ANKRD26: variants seen among roughly 807,000 people sequenced by gnomAD.
The protein encoded by ANKRD26 is ankyrin repeat domain 26.
Under a neutral mutation model 208.7 loss-of-function variants are expected in ANKRD26, and 141 were observed. The ratio of observed to expected loss-of-function variants is 0.68; its 90% CI spans 0.59 to 0.78. The LOEUF is 0.78. ANKRD26 is among the 30% of genes least tolerant of loss of function. The pLI, the probability that ANKRD26 is intolerant of heterozygous loss-of-function variation, is 0.00. For synonymous variants in ANKRD26, 636 were observed against 660.4 expected, an observed-to-expected ratio of 0.96 and a Z score of 0.57; for missense variants, 1,889 against 1,938.7, an observed-to-expected ratio of 0.97 and a Z score of 0.48.
chr10:27,033,170 T>G, intron 25 of ANKRD26, 55 bp downstream of exon 25: 1 of 1,418,974 alleles, frequency 7.0e-7, no homozygotes, highest in Non-Finnish European at 9.8e-7. Context: ...GATAAAACAC[T>G]ATATATTTAA....
chr10:27,099,330 G>GT (rs1340776755), intron 1 of ANKRD26, among the ~76,000 whole-genome samples: 1 of 150,794 alleles, frequency 6.6e-6, no homozygotes, highest in Non-Finnish European at 1.5e-5. Context: ...ATCATGCACT[G>GT]ACATTTATTC....
At chr10:26,956,428 G>A in the ANKRD26 span, among the ~76,000 whole-genome samples, 1,394 of 152,118 alleles carry the variant, frequency 9.2e-3, 22 homozygotes, top group African/African-American at 0.032. Context: ...TATATTTTCA[G>A]AAGAGGTTTA....
At chr10:27,019,859 A>T (rs953118749) in intron 29 of ANKRD26, among the ~76,000 whole-genome samples, 1 of 152,236 alleles carries the variant, frequency 6.6e-6, no homozygotes, top group African/African-American at 2.4e-5. Context: ...GCTTAAAACA[A>T]CATTTATTCT....
chr10:27,089,465 T>G (rs956950158), intron 4 of ANKRD26, among the ~76,000 whole-genome samples: 1 of 152,216 alleles, frequency 6.6e-6, no homozygotes, highest in East Asian at 1.9e-4. Context: ...GGGACCCCTA[T>G]GGATTAAGTT....
rs538598433 is a variant in ANKRD26, at chr10:26,997,779, C to T, written c.563-2632G>A. On this transcript the variant is annotated intron_variant, in intron 4 of 5. Coordinates refer to the ANKRD26 transcript ENST00000445828. ...ATGTGTTTCGGAGAAAATGCTAAAC[C>T]GCCACAGCTGTGGCTTGTTTGCTTG... Among the ~76,000 whole-genome samples, 16 of 152,260 alleles carry T rather than the reference C, an allele frequency of 1.1e-4. No individual in the cohort carries two copies. The South Asian group carries it at 1.4e-3, about 14-fold the overall frequency.
intron 1 of ANKRD26, among the ~76,000 whole-genome samples, chr10:27,095,132 CA>C (rs1293020354): frequency 6.6e-6 from 1 of 152,064 alleles, no homozygotes; most frequent in Non-Finnish European, 1.5e-5. Flanking sequence ...TAATTGGAAG[CA>C]TTTTTAAAAT....
downstream of ANKRD26, among the ~76,000 whole-genome samples, chr10:27,000,689 T>A (rs77722856): frequency 2.4e-3 from 373 of 152,292 alleles, 2 homozygotes; most frequent in African/African-American, 8.5e-3. Context: ...AATGTATATA[T>A]GCAAGATCTC....
chr10:27,042,562 G>C (rs564287515), intron 20 of ANKRD26, among the ~76,000 whole-genome samples: 12 of 152,090 alleles, frequency 7.9e-5, no homozygotes, highest in African/African-American at 2.9e-4. Context: ...GACCATCCTG[G>C]CTAACACGGT....
At chr10:27,060,200 C>T (rs1188365018) in intron 15 of ANKRD26, 145 bp downstream of exon 15, 11 of 711,818 alleles carry the variant, frequency 1.5e-5, no homozygotes, top group Non-Finnish European at 2.6e-5. Flanking sequence ...AAGACTCGGT[C>T]TCAATTAAAA....
intron 1 of ANKRD26, among the ~76,000 whole-genome samples, chr10:27,096,162 G>A (rs2056459319): frequency 6.6e-6 from 1 of 152,190 alleles, no homozygotes; most frequent in Non-Finnish European, 1.5e-5. Flanking sequence ...CCTGCTTCCA[G>A]AAGTGCAGGA....
At chr10:27,001,355 CG>C (rs1336741142), downstream of ANKRD26, among the ~76,000 whole-genome samples, 2 of 151,996 alleles carry the variant, frequency 1.3e-5, no homozygotes. Flanking sequence ...ATCAAGGATG[CG>C]GACACACAAG....
chr10:27,092,712 C>A (rs374937620), intron 3 of ANKRD26, among the ~76,000 whole-genome samples, 200 bp from the exon 4 acceptor site: 1 of 152,144 alleles, frequency 6.6e-6, no homozygotes, highest in African/African-American at 2.4e-5. Flanking sequence ...AAATTTTTAC[C>A]GGTTCTAAGA....
intron 3 of ANKRD26, among the ~76,000 whole-genome samples, chr10:26,986,379 C>T (rs1321295851): frequency 3.3e-5 from 5 of 152,088 alleles, no homozygotes; most frequent in African/African-American, 1.2e-4. Context: ...GCAAGGACTT[C>T]ATGTCTAAAA....
At chr10:26,976,284 G>A (rs181785231) in intron 5 of ANKRD26, among the ~76,000 whole-genome samples, 6 of 151,862 alleles carry the variant, frequency 4.0e-5, no homozygotes, top group Non-Finnish European at 5.9e-5. Flanking sequence ...GGGTGATCTC[G>A]GCTCACTGCA....
Position 27,035,697 on chromosome 10 carries a change from T to C in ANKRD26, c.2753A>G (p.Gln918Arg). The C allele has an allele frequency of 6.2e-7, 1 of 1,604,226 alleles. No individual in the cohort carries two copies. Among genetic ancestry groups the C allele is most frequent in the South Asian group, 1.1e-5 (1 of 89,186 alleles). The change falls in exon 24 of 34, where the codon CAG becomes CGG. Residue 918 changes from glutamine to arginine, a missense_variant. By Grantham distance (43) the Gln-to-Arg change is conservative. Around this residue, in one of 3 missense-constraint regions of ANKRD26, gnomAD observed 1,272 missense variants for 1,273.8 expected, o/e 1.00. Coordinates refer to ENST00000376087, the MANE Select transcript of ANKRD26 (RefSeq NM_014915.3). ...KDLSHKNSML[Q>R]EEIAMLRLEI... is the part of the protein sequence containing the mutation. ...TAGTCTTAGCATAGCAATTTCTTCCTGCAACATGCTATTTTTATGCGATAG... is the reference window on the plus strand; with the variant it reads ...TAGTCTTAGCATAGCAATTTCTTCCCGCAACATGCTATTTTTATGCGATAG...
rs540664945 is a variant in ANKRD26, at chr10:27,013,133, A to G, written c.4725-23T>C. On this transcript the variant is annotated intron_variant, in intron 31 of 33. Transcript: ENST00000376087. Reference sequence around the variant, plus strand: ...GTTCTGTGAAGATTGCAGAAGACACATGCTTAGTATTTTACTTTTCCCTAA... The same window carrying G: ...GTTCTGTGAAGATTGCAGAAGACACGTGCTTAGTATTTTACTTTTCCCTAA... 2.5e-6 allele frequency: 4 copies of G among 1,596,728 alleles called. No individual in the cohort carries two copies. The South Asian group carries it at 3.3e-5, about 13-fold the overall frequency.
Position 26,984,940 on chromosome 10 carries a change from A to G in ANKRD26, c.490-2127T>C, listed in dbSNP as rs189123767. Among the ~76,000 whole-genome samples the G allele has an allele frequency of 3.2e-3, 490 of 152,254 alleles. 2 individuals carry two copies. The highest frequency in any genetic ancestry group is 0.011 in the African/African-American group (459 of 41,548). The stretch of plus-strand genomic sequence containing the variant: ...TGTTGAAGTACGAGGAAAATTTTAC[A>G]AACAATTTGAAAAACCTGGCCAGTA... On this transcript the variant is annotated intron_variant and NMD_transcript_variant, in intron 3 of 5. Coordinates refer to the ANKRD26 transcript ENST00000674670.
chr10:27,022,581 G>T lies in ANKRD26; in HGVS notation c.4192C>A (p.Gln1398Lys). 3 of 1,538,282 alleles carry T rather than the reference G, an allele frequency of 2.0e-6. No homozygotes were observed. The South Asian group carries it at 3.4e-5, about 17-fold the overall frequency. The change falls in exon 29 of 34, where the codon CAG becomes AAG. Residue 1398 changes from glutamine (Q) to lysine (K), a missense_variant. Physicochemically the swap from Gln to Lys is moderately conservative, Grantham distance 53 (BLOSUM62 1). Transcript: ENST00000376087. ...ACCTTATGTTTTAGCTTATTAATCT[G>T]AATATCCATTTCAAATTGACTAGTT... ...LKTSQFEMDI[Q>K]INKLKHKIDD...
chr10:27,033,268 T>C lies in ANKRD26; in HGVS notation c.3764A>G (p.Glu1255Gly). 6.2e-7 allele frequency: 1 copy of C among 1,612,408 alleles called. No individual in the cohort carries two copies. The highest frequency in any genetic ancestry group is 1.7e-4 in the Middle Eastern group (1 of 6,056). ...TAATTTCTTCTTTAAATCCTGTGTC[T>C]CATCTTCTAAATTAATACGATAACG... ...TSRYRINLED[E>G]TQDLKKKLGQ... Residue 1255 changes from glutamate (E) to glycine (G), a missense_variant, in exon 25 of 34, where the codon GAG (glutamate) becomes GGG (glycine). This residue lies in a region of ANKRD26 where 613 missense variants were observed against 648.2 expected (regional missense o/e 0.95). Transcript: ENST00000376087.
Sources: allele counts gnomAD v4.1 joint callset (sites outside exome capture counted in the v4.1 genomes callset), GRCh38; gene constraint gnomAD v4.1.1; regional missense constraint gnomAD v4.1.1; transcripts MANE v1.5; gene names NCBI Gene and HGNC (gene_info 2026-07-23, HGNC 2026-07-21).